Variants in MICU1 observed in about 807,000 individuals in gnomAD.
MICU1 encodes mitochondrial calcium uptake 1.
MICU1 carries 45 observed loss-of-function variants against 56.8 expected under a neutral mutation model. That is an observed-to-expected ratio of 0.79 (90% CI 0.62 to 1.02). The LOEUF (loss-of-function observed/expected upper bound fraction) is 1.02. Ranked by LOEUF, MICU1 falls within the 50% of genes least tolerant of loss-of-function variation. The probability of loss-of-function intolerance (pLI) is 0.00; values close to 1 mark genes in which losing one functional copy is unlikely to be tolerated. For synonymous variants in MICU1, 186 were observed against 195.1 expected, an observed-to-expected ratio of 0.95 and a Z score of 0.39; for missense variants, 504 against 587.1, an observed-to-expected ratio of 0.86 and a Z score of 1.46.
chr10:72,528,968 C>T (rs984155292), intron 5 of MICU1, among the ~76,000 whole-genome samples: 6 of 152,110 alleles, frequency 3.9e-5, no homozygotes, highest in African/African-American at 1.4e-4. Context: ...AATATTAAAG[C>T]TTTGATTTTC....
chr10:72,546,533 C>T (rs1352384299), intron 4 of MICU1, among the ~76,000 whole-genome samples: 1 of 152,170 alleles, frequency 6.6e-6, no homozygotes, highest in African/African-American at 2.4e-5. Context: ...ACACTGGAGC[C>T]TCTCTGAACC....
chr10:72,601,146 G>A (rs1383710643), intron 1 of MICU1, among the ~76,000 whole-genome samples: 6 of 152,134 alleles, frequency 3.9e-5, no homozygotes, highest in African/African-American at 1.4e-4. Flanking sequence ...TACAGGCTGA[G>A]TGCAGTGGTT....
intron 1 of MICU1, among the ~76,000 whole-genome samples, chr10:72,598,719 C>G (rs1012368425): frequency 6.6e-6 from 1 of 152,042 alleles, no homozygotes; most frequent in Non-Finnish European, 1.5e-5. Context: ...ATTATTTTTA[C>G]TAGATCCTAA....
intron 1 of MICU1, among the ~76,000 whole-genome samples, chr10:72,598,059 C>T (rs1189463607): frequency 1.3e-5 from 2 of 152,124 alleles, no homozygotes; most frequent in South Asian, 2.1e-4. Flanking sequence ...GTGGTTCAGA[C>T]ATGAAACCCC....
At chr10:72,582,249 C>G (rs1840919877) in intron 1 of MICU1, among the ~76,000 whole-genome samples, 1 of 152,130 alleles carries the variant, frequency 6.6e-6, no homozygotes, top group African/African-American at 2.4e-5. Flanking sequence ...TTTAATGAGA[C>G]AGTATCCTAT....
intron 6 of MICU1, among the ~76,000 whole-genome samples, chr10:72,481,776 A>G (rs2132282433): frequency 1.3e-5 from 2 of 152,304 alleles, no homozygotes; most frequent in Admixed American, 1.3e-4. Flanking sequence ...CCCCCCTGCT[A>G]AAACAGCATA....
At chr10:72,502,165 T>G (rs111702263) in intron 6 of MICU1, among the ~76,000 whole-genome samples, 33 of 148,904 alleles carry the variant, frequency 2.2e-4, no homozygotes, top group East Asian at 2.1e-3. Flanking sequence ...TTTGTTTTTT[T>G]TTTTTTTTTG....
intron 1 of MICU1, among the ~76,000 whole-genome samples, chr10:72,614,165 T>C (rs1173259966): frequency 1.6e-4 from 24 of 151,424 alleles, no homozygotes; most frequent in Admixed American, 1.6e-3. Flanking sequence ...CAAAAACACA[T>C]AATATAAAAT....
chr10:72,425,883 T>C (rs994628085), intron 8 of MICU1, among the ~76,000 whole-genome samples: 1 of 152,174 alleles, frequency 6.6e-6, no homozygotes, highest in East Asian at 1.9e-4. Flanking sequence ...TTGAAGGCAG[T>C]ATCTCAAGGA....
chr10:72,552,241 A>G (rs1358027709), intron 3 of MICU1, among the ~76,000 whole-genome samples: 1 of 152,214 alleles, frequency 6.6e-6, no homozygotes, highest in East Asian at 1.9e-4. Flanking sequence ...GAATAGCAAC[A>G]AAATCAAGTA....
intron 1 of MICU1, among the ~76,000 whole-genome samples, chr10:72,592,884 G>A (rs1354526318): frequency 6.6e-6 from 1 of 151,138 alleles, no homozygotes; most frequent in Non-Finnish European, 1.5e-5. Flanking sequence ...CCGGGTTCAA[G>A]CGATTCTCCT....
chr10:72,454,785 A>C (rs80151993), intron 8 of MICU1, among the ~76,000 whole-genome samples: 1 of 23,590 alleles, frequency 4.2e-5, no homozygotes, highest in African/African-American at 3.2e-4. Flanking sequence ...TCCATCTCAA[A>C]AAAAAAAAAA....
intron 1 of MICU1, among the ~76,000 whole-genome samples, chr10:72,574,745 G>A (rs1000940573): frequency 2.8e-4 from 43 of 152,098 alleles, no homozygotes; most frequent in African/African-American, 9.2e-4. Context: ...AGTCACCAGC[G>A]TATCCAGTGA....
chr10:72,549,260 G>A (rs1287798197), intron 4 of MICU1, among the ~76,000 whole-genome samples: 1 of 142,142 alleles, frequency 7.0e-6, no homozygotes, highest in Non-Finnish European at 1.5e-5. Flanking sequence ...GTGTCATCTT[G>A]GCACACTGTA....
At chr10:72,511,414 A>C (rs886179659) in intron 5 of MICU1, among the ~76,000 whole-genome samples, 3 of 152,202 alleles carry the variant, frequency 2.0e-5, no homozygotes, top group African/African-American at 7.2e-5. Context: ...ATATTTGCTT[A>C]CATTTTTAAA....
chr10:72,529,406 C>T lies in MICU1; in HGVS notation c.537+4340G>A, dbSNP rs536081610. ...ATAATGAACAATTGGTTTCAATAGA[C>T]AATTTTATTGCTTGAAAATAGTGTA... On this transcript the variant is annotated intron_variant, in intron 5 of 11. Transcript: ENST00000361114. Among the ~76,000 whole-genome samples the T allele has an allele frequency of 3.3e-5, 5 of 152,168 alleles. No individual in the cohort carries two copies. In the South Asian group the frequency reaches 1.0e-3, roughly 32 times the overall value.
chr10:72,368,162 G>A lies in MICU1; in HGVS notation c.*33C>T, dbSNP rs185214158. The A allele has an allele frequency of 8.4e-5, 134 of 1,595,382 alleles. No homozygotes were observed. In the African/African-American group the frequency reaches 1.5e-3, roughly 18 times the overall value. ...CTCTGCGGAGGGGGTCCAGGGTACT[G>A]GGGGTGGAGGGGTCCCCTCTTGCAG... On this transcript the variant is annotated 3_prime_UTR_variant, in exon 12 of 12. Coordinates refer to ENST00000361114, the MANE Select transcript of MICU1 (RefSeq NM_001195518.2).
chr10:72,448,119 A>ATGTGTGTG (rs770189954), intron 8 of MICU1, among the ~76,000 whole-genome samples: 1 of 47,648 alleles, frequency 2.1e-5, no homozygotes, highest in African/African-American at 4.6e-5. Context: ...AAGTTTATAT[A>ATGTGTGTG]TATGTGTGTG....
At chr10:72,430,868 T>C (rs568015869) in intron 8 of MICU1, among the ~76,000 whole-genome samples, 2 of 152,282 alleles carry the variant, frequency 1.3e-5, no homozygotes, top group South Asian at 4.1e-4. Flanking sequence ...CCTATTATTT[T>C]CAATAGTTTA....
Sources: allele counts gnomAD v4.1 joint callset (sites outside exome capture counted in the v4.1 genomes callset), GRCh38; gene constraint gnomAD v4.1.1; transcripts MANE v1.5; gene names NCBI Gene and HGNC (gene_info 2026-07-23, HGNC 2026-07-21).